Variants in SUPT3H observed in about 807,000 individuals in gnomAD.
The protein encoded by SUPT3H is transcription initiation protein SPT3 homolog.
A neutral mutation model predicts 44.3 loss-of-function variants in SUPT3H; 44 were observed. The observed-to-expected ratio is 0.99, with a 90% confidence interval of 0.78 to 1.28. The LOEUF (loss-of-function observed/expected upper bound fraction) is 1.28. Among genes scored for constraint, SUPT3H ranks in the 50% most tolerant of loss-of-function variants. The pLI, the probability that SUPT3H is intolerant of heterozygous loss-of-function variation, is 0.00. For missense variants in SUPT3H, 380 were observed against 387.1 expected, an observed-to-expected ratio of 0.98 and a Z score of 0.15; for synonymous variants, 124 against 125.6, an observed-to-expected ratio of 0.99 and a Z score of 0.09.
At chr6:45,155,779 A>G (rs557515876) in intron 2 of SUPT3H, among the ~76,000 whole-genome samples, 1 of 152,266 alleles carries the variant, frequency 6.6e-6, no homozygotes, top group East Asian at 1.9e-4. Context: ...CTGAGATTCC[A>G]GGGTCACTGT....
At chr6:45,356,886 C>A (rs1393728101) in intron 2 of SUPT3H, among the ~76,000 whole-genome samples, 1 of 152,160 alleles carries the variant, frequency 6.6e-6, no homozygotes, top group East Asian at 1.9e-4. Flanking sequence ...ATTACACTCA[C>A]CTTTTTTAAT....
chr6:45,036,375 T>G (rs1342818627), intron 3 of SUPT3H, among the ~76,000 whole-genome samples: 1 of 152,012 alleles, frequency 6.6e-6, no homozygotes, highest in Non-Finnish European at 1.5e-5. Context: ...ACAGCTACAG[T>G]ATACTAAGAA....
intron 10 of SUPT3H, among the ~76,000 whole-genome samples, chr6:44,888,375 T>C (rs934505335): frequency 1.3e-5 from 2 of 152,096 alleles, no homozygotes; most frequent in African/African-American, 4.8e-5. Flanking sequence ...AATAAAATAC[T>C]GGCAAACCGA....
At position 45,235,317 on chromosome 6, in the gene SUPT3H, A is replaced by G. The variant is rs965074835; in HGVS notation, c.102-129311T>C. Among the ~76,000 whole-genome samples the G allele has an allele frequency of 1.8e-4, 28 of 152,178 alleles. 1 individual carries two copies. Among genetic ancestry groups the G allele is most frequent in the Non-Finnish European group, 5.9e-5 (4 of 68,032 alleles). ...TAAATTACTGATAAGGACAATCTCCATTCTGTACTGTACATAAATATGTCT... is the reference window on the plus strand; with the variant it reads ...TAAATTACTGATAAGGACAATCTCCGTTCTGTACTGTACATAAATATGTCT... On this transcript the variant is annotated intron_variant, in intron 2 of 10. Transcript: ENST00000371459.
chr6:45,067,679 A>T (rs918633642), intron 3 of SUPT3H, among the ~76,000 whole-genome samples: 2 of 151,078 alleles, frequency 1.3e-5, no homozygotes, highest in African/African-American at 4.9e-5. Flanking sequence ...TCTCAAAAGA[A>T]GACATTTATG....
At chr6:44,911,308 T>C (rs770963962) in intron 10 of SUPT3H, among the ~76,000 whole-genome samples, 13 of 151,980 alleles carry the variant, frequency 8.6e-5, no homozygotes, top group Non-Finnish European at 1.8e-4. Flanking sequence ...AAGGTCAAAT[T>C]TGGTATATAT....
At chr6:44,812,952 G>A (rs1766637920) in intron 11 of SUPT3H, among the ~76,000 whole-genome samples, 1 of 152,096 alleles carries the variant, frequency 6.6e-6, no homozygotes, top group Non-Finnish European at 1.5e-5. Flanking sequence ...GGTGGGGGGT[G>A]AGAGCAGCAG....
intron 2 of SUPT3H, among the ~76,000 whole-genome samples, chr6:45,225,194 G>T (rs1176816494): frequency 6.6e-6 from 1 of 150,882 alleles, no homozygotes; most frequent in East Asian, 1.9e-4. Flanking sequence ...CAGGAGAATC[G>T]CTTGAACCTC....
chr6:45,186,471 T>C (rs533662241), intron 2 of SUPT3H, among the ~76,000 whole-genome samples: 1 of 152,078 alleles, frequency 6.6e-6, no homozygotes, highest in East Asian at 1.9e-4. Flanking sequence ...AAATAGAAAT[T>C]ATAGAACTGA....
At position 45,217,367 on chromosome 6, in the gene SUPT3H, C is replaced by T. The variant is rs546909006; in HGVS notation, c.102-111361G>A. Among the ~76,000 whole-genome samples, 5 of 150,042 alleles carry T rather than the reference C, an allele frequency of 3.3e-5. No homozygotes were observed. The East Asian group carries it at 9.7e-4, about 29-fold the overall frequency. On this transcript the variant is annotated intron_variant, in intron 2 of 10. Coordinates refer to ENST00000371459, the MANE Select transcript of SUPT3H (RefSeq NM_003599.4). ...GTGCGCGTCTGTAATCCCAGCTACT[C>T]AGGAGGCTGAGGCAAGACAATCACT...
intron 6 of SUPT3H, among the ~76,000 whole-genome samples, chr6:44,994,391 A>G (rs1781004794): frequency 1.3e-5 from 2 of 152,172 alleles, no homozygotes; most frequent in South Asian, 2.1e-4. Context: ...ACAGAGCGCC[A>G]AGATTCTAAG....
intron 6 of SUPT3H, among the ~76,000 whole-genome samples, chr6:45,000,840 CTT>C (rs1781921760): frequency 6.6e-6 from 1 of 152,156 alleles, no homozygotes; most frequent in African/African-American, 2.4e-5. Flanking sequence ...TCCTTGCTCT[CTT>C]GTTTACTTTT....
chr6:44,979,668 T>C (rs191975548), intron 6 of SUPT3H, among the ~76,000 whole-genome samples: 2 of 152,074 alleles, frequency 1.3e-5, no homozygotes, highest in East Asian at 1.9e-4. Flanking sequence ...AGGTGATGAG[T>C]TTGTGTGACA....
At chr6:45,145,809 A>G (rs1279106904) in intron 2 of SUPT3H, among the ~76,000 whole-genome samples, 2 of 152,086 alleles carry the variant, frequency 1.3e-5, no homozygotes, top group Non-Finnish European at 2.9e-5. Context: ...AACTCACAAA[A>G]ATCAGCAACA....
intron 2 of SUPT3H, among the ~76,000 whole-genome samples, chr6:45,138,494 C>A (rs964619517): frequency 6.6e-6 from 1 of 152,036 alleles, no homozygotes; most frequent in Non-Finnish European, 1.5e-5. Flanking sequence ...AAATATGGCA[C>A]GTCCATACAA....
At chr6:45,274,518 G>A (rs897173718) in intron 2 of SUPT3H, among the ~76,000 whole-genome samples, 3 of 152,144 alleles carry the variant, frequency 2.0e-5, no homozygotes, top group African/African-American at 7.2e-5. Context: ...ATTATTTCAT[G>A]TTGTTCCAGC....
intron 10 of SUPT3H, among the ~76,000 whole-genome samples, chr6:44,893,397 T>A (rs1471307164): frequency 6.7e-6 from 1 of 148,970 alleles, no homozygotes; most frequent in Non-Finnish European, 1.5e-5. Flanking sequence ...CCCACAACAG[T>A]CCCCAGAGTG....
At chr6:45,109,286 T>C (rs997039147) in intron 2 of SUPT3H, among the ~76,000 whole-genome samples, 7 of 152,168 alleles carry the variant, frequency 4.6e-5, no homozygotes, top group African/African-American at 9.7e-5. Flanking sequence ...CATTATTTAA[T>C]TCGTTGGAAT....
chr6:44,989,467 G>C (rs533421100), intron 6 of SUPT3H, among the ~76,000 whole-genome samples: 1 of 152,210 alleles, frequency 6.6e-6, no homozygotes, highest in African/African-American at 2.4e-5. Context: ...AATGAACATG[G>C]GAATGCAGGC....
Sources: gnomAD v4.1 joint callset for allele counts (sites outside exome capture counted in the v4.1 genomes callset) on GRCh38, gnomAD v4.1.1 for gene constraint, MANE v1.5 for transcripts, NCBI Gene and HGNC (gene_info 2026-07-23, HGNC 2026-07-21) for gene names.